FYTTD1: variants seen among roughly 807,000 people sequenced by gnomAD.
The protein encoded by FYTTD1 is UAP56-interacting factor.
Under a neutral mutation model 40.9 loss-of-function variants are expected in FYTTD1, and 22 were observed. The observed-to-expected ratio is 0.54, with a 90% confidence interval of 0.38 to 0.77. The LOEUF (loss-of-function observed/expected upper bound fraction) is 0.77, where lower values mean the gene tolerates loss of function less well. Among genes scored for constraint, FYTTD1 ranks in the 30% least tolerant of loss-of-function variants. FYTTD1 has a pLI of 0.00. For missense variants in FYTTD1, 351 were observed against 392.2 expected (o/e 0.90, Z 0.89); for synonymous variants, 140 against 137.9 (o/e 1.01, Z -0.10).
Position 197,768,534 on chromosome 3 carries a change from A to G in FYTTD1, c.331A>G (p.Thr111Ala). The change falls in exon 3 of 9, where the codon ACT becomes GCT. Residue 111 changes from threonine (T) to alanine (A), a missense_variant. Physicochemically the swap from Thr to Ala is moderately conservative, Grantham distance 58. Coordinates refer to ENST00000241502, the MANE Select transcript of FYTTD1 (RefSeq NM_032288.7). ...CACTGGCCTTGCAGCTAGGAAAACGACTGGAATTCGAAAAGGAATTAGTCC... is the reference window on the plus strand; with the variant it reads ...CACTGGCCTTGCAGCTAGGAAAACGGCTGGAATTCGAAAAGGAATTAGTCC... ...VITGLAARKTTGIRKGISPMN... is the reference protein window; with the variant it reads ...VITGLAARKTAGIRKGISPMN... The G allele has an allele frequency of 6.2e-7, 1 of 1,613,830 alleles. No homozygotes were observed. The highest frequency in any genetic ancestry group is 1.1e-5 in the South Asian group (1 of 91,054).
chr3:197,784,895 G>A lies in FYTTD1; in HGVS notation c.*2986G>A, dbSNP rs143132105. On this transcript the variant is annotated 3_prime_UTR_variant, in exon 9 of 9. Transcript: ENST00000241502. ...TTTAACCCCTCCTTTTTACACCTTA[G>A]TAAAGTGAGTCCTAGTGTTTTCAAG... 1 of 152,272 alleles carries A rather than the reference G, an allele frequency of 6.6e-6. No individual in the cohort carries two copies. Among genetic ancestry groups the A allele is most frequent in the African/African-American group, 2.4e-5 (1 of 41,542 alleles). The allele number at this position is 152,272 out of a possible 1,614,324, so 9.4% of individuals were successfully genotyped here. A position where few individuals can be genotyped will look rare whatever the true frequency, so the allele number is the denominator to read the frequency against.
chr3:197,750,570 C>T (rs1580438443), intron 1 of FYTTD1: 1 of 985,432 alleles, frequency 1.0e-6, no homozygotes, highest in Non-Finnish European at 1.2e-6. Context: ...CCGGAGCTTT[C>T]CCTGGTCGCC....
intron 4 of FYTTD1, among the ~76,000 whole-genome samples, chr3:197,771,813 G>A (rs1393829859): frequency 6.9e-6 from 1 of 144,914 alleles, no homozygotes; most frequent in South Asian, 2.2e-4. Flanking sequence ...AAATTAGCCC[G>A]ATGTGGTGAC....
chr3:197,766,037 C>T (rs1173355950), intron 2 of FYTTD1, among the ~76,000 whole-genome samples: 1 of 151,452 alleles, frequency 6.6e-6, no homozygotes, highest in Admixed American at 6.6e-5. Context: ...GTGGCAGGCA[C>T]CTGTAATCCC....
At chr3:197,753,871 C>T (rs1430541933) in intron 1 of FYTTD1, among the ~76,000 whole-genome samples, 4 of 151,752 alleles carry the variant, frequency 2.6e-5, no homozygotes, top group African/African-American at 7.3e-5. Context: ...TCCCAAGTAG[C>T]TGGGACTACA....
chr3:197,750,353 A>G, intron 1 of FYTTD1: 1 of 1,129,664 alleles, frequency 8.9e-7, no homozygotes, highest in Non-Finnish European at 1.1e-6. Context: ...GAAGGTTCGC[A>G]GGGTCGCGGG....
chr3:197,750,713 G>A, intron 1 of FYTTD1: 2 of 985,494 alleles, frequency 2.0e-6, no homozygotes, highest in Non-Finnish European at 2.4e-6. Flanking sequence ...TGTATTGAGC[G>A]CTGCCTAGAA....
intron 8 of FYTTD1, among the ~76,000 whole-genome samples, chr3:197,780,791 C>T (rs538970138): frequency 6.6e-6 from 1 of 152,072 alleles, no homozygotes; most frequent in African/African-American, 2.4e-5. Flanking sequence ...GATCCGCCTG[C>T]CTTGGCCTCC....
At chr3:197,766,430 G>GGTGTGTGT (rs111725145) in intron 2 of FYTTD1, among the ~76,000 whole-genome samples, 1,413 of 135,058 alleles carry the variant, frequency 0.01, 17 homozygotes, top group African/African-American at 0.021. Context: ...GTTTGAGACT[G>GGTGTGTGT]GTGTGTGTGT....
In FYTTD1 at chr3:197,785,484, C is replaced by T. The variant is rs1474232270; in HGVS notation, c.*3575C>T. 1 of 152,108 alleles carries T rather than the reference C, an allele frequency of 6.6e-6. No homozygotes were observed. Among genetic ancestry groups the T allele is most frequent in the East Asian group, 1.9e-4 (1 of 5,200 alleles). The allele number at this position is 152,108 out of a possible 1,614,324, so 9.4% of individuals were successfully genotyped here. A position where few individuals can be genotyped will look rare whatever the true frequency, so the allele number is the denominator to read the frequency against. The stretch of plus-strand genomic sequence containing the variant: ...GTGTCTGAGGAAACAGGCCTCATTG[C>T]TCAGCAGTGAGTTTTTATTAGACTA... On this transcript the variant is annotated 3_prime_UTR_variant, in exon 9 of 9. Coordinates refer to ENST00000241502, the MANE Select transcript of FYTTD1 (RefSeq NM_032288.7).
At chr3:197,765,783 T>G (rs1580455874) in intron 2 of FYTTD1, among the ~76,000 whole-genome samples, 1 of 151,482 alleles carries the variant, frequency 6.6e-6, no homozygotes, top group Middle Eastern at 3.4e-3. Context: ...GATCACAAGG[T>G]CAGGAGATCA....
At chr3:197,749,624 A>T (rs1466180562), upstream of FYTTD1, 1 of 1,016,912 alleles carries the variant, frequency 9.8e-7, no homozygotes, top group Admixed American at 2.3e-5. Flanking sequence ...ACGGAGGATT[A>T]TATCACTGAA....
intron 1 of FYTTD1, among the ~76,000 whole-genome samples, chr3:197,752,419 A>G (rs1232228301): frequency 6.6e-6 from 1 of 152,246 alleles, no homozygotes; most frequent in East Asian, 1.9e-4. Context: ...TGCTTAGAAC[A>G]GGACCTGGTA....
At chr3:197,755,824 G>A (rs1335095358) in intron 1 of FYTTD1, 3 of 1,551,002 alleles carry the variant, frequency 1.9e-6, no homozygotes, top group Non-Finnish European at 2.6e-6. Flanking sequence ...AGCCTTCTGT[G>A]ATTATGGGAA....
At chr3:197,751,986 C>T (rs371602307) in intron 1 of FYTTD1, among the ~76,000 whole-genome samples, 1 of 152,034 alleles carries the variant, frequency 6.6e-6, no homozygotes, top group East Asian at 1.9e-4. Flanking sequence ...GTTCTCCTGC[C>T]TCAGCCTCCC....
Position 197,768,570 on chromosome 3 carries a change from C to G in FYTTD1, c.367C>G (p.Pro123Ala). Residue 123 changes from proline to alanine, a missense_variant, in exon 3 of 9, where the codon CCA (proline) becomes GCA (alanine). Transcript: ENST00000241502. ...IRKGISPMNR[P>A]PLSDKNIEQY... ...AAAAGGAATTAGTCCTATGAATCGT[C>G]CACCTCTAAGTGACAAGGTAGGATG... 1 of 1,613,556 alleles carries G rather than the reference C, an allele frequency of 6.2e-7. No homozygotes were observed. The highest frequency in any genetic ancestry group is 8.5e-7 in the Non-Finnish European group (1 of 1,179,692).
In FYTTD1 at chr3:197,782,931, A is replaced by G. The variant is rs529236963; in HGVS notation, c.*1022A>G. ...AAATTTATGAGCTTTGAAGATTGCTAAATTAAATAATTTATAGCTCCAAAA... is the reference window on the plus strand; with the variant it reads ...AAATTTATGAGCTTTGAAGATTGCTGAATTAAATAATTTATAGCTCCAAAA... On this transcript the variant is annotated 3_prime_UTR_variant, in exon 9 of 9. Coordinates refer to ENST00000241502, the MANE Select transcript of FYTTD1 (RefSeq NM_032288.7). 6.5e-6 allele frequency: 1 copy of G among 152,762 alleles called. No individual in the cohort carries two copies. Among genetic ancestry groups the G allele is most frequent in the African/African-American group, 2.4e-5 (1 of 41,586 alleles). The allele number at this position is 152,762 out of a possible 1,614,324, so 9.5% of individuals were successfully genotyped here. A position where few individuals can be genotyped will look rare whatever the true frequency, so the allele number is the denominator to read the frequency against.
chr3:197,750,076 T>C lies in FYTTD1; in HGVS notation c.103+2T>C. The C allele has an allele frequency of 6.4e-7, 1 of 1,560,954 alleles. No individual in the cohort carries two copies. Among genetic ancestry groups the C allele is most frequent in the Non-Finnish European group, 8.7e-7 (1 of 1,153,546 alleles). ...TCGACAAAATAGATATGTCTTTGGGTGAGGGGCCGAGTTGGACCGAGTTGG... is the reference window on the plus strand; with the variant it reads ...TCGACAAAATAGATATGTCTTTGGGCGAGGGGCCGAGTTGGACCGAGTTGG... On this transcript the variant is annotated splice_donor_variant, in intron 1 of 8. Transcript: ENST00000241502. LOFTEE classifies it high-confidence loss of function.
At chr3:197,760,787 G>T (rs1023265859) in intron 2 of FYTTD1, among the ~76,000 whole-genome samples, 17 of 151,938 alleles carry the variant, frequency 1.1e-4, no homozygotes, top group African/African-American at 4.1e-4. Context: ...GTATGGAGTT[G>T]TTCCTCAGTG....
Sources: allele counts gnomAD v4.1 joint callset (sites outside exome capture counted in the v4.1 genomes callset), GRCh38; gene constraint gnomAD v4.1.1; transcripts MANE v1.5; gene names NCBI Gene and HGNC (gene_info 2026-07-23, HGNC 2026-07-21).